ZNF276: variants seen among roughly 807,000 people sequenced by gnomAD.
ZNF276 encodes zinc finger protein 276, also known as centromere protein Z.
A neutral mutation model predicts 63.9 loss-of-function variants in ZNF276; 59 were observed. That is an observed-to-expected ratio of 0.92 (90% CI 0.75 to 1.15). ZNF276 has a LOEUF of 1.15. Ranked by LOEUF, ZNF276 falls within the 50% of genes most tolerant of loss-of-function variation. ZNF276 has a pLI of 0.00. For missense variants in ZNF276, 1,084 were observed against 843.8 expected (o/e 1.28, Z -3.53); for synonymous variants, 496 against 348.4 (o/e 1.42, Z -4.72).
chr16:89,738,577 G>A lies in ZNF276; in HGVS notation c.*331G>A. ...AATAAATTATTTACACGGGAGCTGG[G>A]CTGGTGTGCAGTGGCAGGTCCCGTC... is the stretch of plus-strand genomic sequence containing the variant. On this transcript the variant is annotated 3_prime_UTR_variant, in exon 11 of 11. Transcript: ENST00000443381. The A allele has an allele frequency of 6.2e-7, 1 of 1,613,048 alleles. No homozygotes were observed. The highest frequency in any genetic ancestry group is 8.5e-7 in the Non-Finnish European group (1 of 1,180,012).
intron 4 of ZNF276, 130 bp downstream of exon 4, chr16:89,723,839 T>C (rs2061385036): frequency 9.6e-7 from 1 of 1,038,100 alleles, no homozygotes; most frequent in Non-Finnish European, 1.4e-6. Flanking sequence ...GGAGCAGAGC[T>C]TGGGGCTTCT....
In ZNF276 at chr16:89,738,741, C is replaced by A. The variant is rs541302571; in HGVS notation, c.*495C>A. On this transcript the variant is annotated 3_prime_UTR_variant, in exon 11 of 11. Coordinates refer to ENST00000443381, the MANE Select transcript of ZNF276 (RefSeq NM_001113525.2). ...AGAGGAGCAGGTCCTCAGCCCATGCCGCCCACTAGGCCTCAGACCACAGGG... is the reference window on the plus strand; with the variant it reads ...AGAGGAGCAGGTCCTCAGCCCATGCAGCCCACTAGGCCTCAGACCACAGGG... 6.2e-7 allele frequency: 1 copy of A among 1,612,874 alleles called. No individual in the cohort carries two copies. Among genetic ancestry groups the A allele is most frequent in the South Asian group, 1.1e-5 (1 of 90,960 alleles).
chr16:89,730,481 C>T (rs1185802927), intron 6 of ZNF276, among the ~76,000 whole-genome samples: 1 of 152,150 alleles, frequency 6.6e-6, no homozygotes, highest in Non-Finnish European at 1.5e-5. Flanking sequence ...CGGATCGAGG[C>T]AGATTCAGGA....
chr16:89,723,387 C>T lies in ZNF276; in HGVS notation c.684C>T (p.Ile228=), dbSNP rs565020744. 1.2e-6 allele frequency: 2 copies of T among 1,613,068 alleles called. No homozygotes were observed. Among genetic ancestry groups the T allele is most frequent in the South Asian group, 2.2e-5 (2 of 91,086 alleles). The part of the protein sequence containing the change: ...RTLSSEYCGV[I]QVVWGCDQGH... The stretch of plus-strand genomic sequence containing the variant: ...TGTCCTCCGAGTACTGCGGCGTCAT[C>T]CAGGTCGTGTGGGGCTGCGACCAGG... Residue 228 remains isoleucine (I), a synonymous_variant, in exon 4 of 11, where the codon ATC becomes ATT. Transcript: ENST00000443381.
intron 6 of ZNF276, among the ~76,000 whole-genome samples, chr16:89,730,185 C>T (rs1260951548): frequency 1.3e-5 from 2 of 152,174 alleles, no homozygotes; most frequent in Non-Finnish European, 2.9e-5. Flanking sequence ...AAGCAGAGGG[C>T]AGGACTGAGC....
At chr16:89,724,720 T>C (rs1415460389) in intron 4 of ZNF276, among the ~76,000 whole-genome samples, 1 of 152,162 alleles carries the variant, frequency 6.6e-6, no homozygotes, top group Non-Finnish European at 1.5e-5. Flanking sequence ...CTCGGGGGCC[T>C]CAGGTAGGAA....
chr16:89,736,522 A>C (rs1362372493), intron 9 of ZNF276, among the ~76,000 whole-genome samples: 1 of 150,260 alleles, frequency 6.7e-6, no homozygotes, highest in African/African-American at 2.4e-5. Flanking sequence ...ACAGGGTTTT[A>C]CCATATTGAT....
In ZNF276 at chr16:89,738,921, T is replaced by C; in HGVS notation, c.*675T>C. On this transcript the variant is annotated 3_prime_UTR_variant, in exon 11 of 11. Coordinates refer to ENST00000443381, the MANE Select transcript of ZNF276 (RefSeq NM_001113525.2). ...AGAAGCTCTTTTTCGGGCACCGAGG[T>C]ATTAACTGCAGCAGAAAAAGACGAG... 1 of 1,614,222 alleles carries C rather than the reference T, an allele frequency of 6.2e-7. No homozygotes were observed. The highest frequency in any genetic ancestry group is 1.1e-5 in the South Asian group (1 of 91,086).
In ZNF276 at chr16:89,740,059, G is replaced by A. The variant is rs1269006545; in HGVS notation, c.*1813G>A. On this transcript the variant is annotated 3_prime_UTR_variant, in exon 11 of 11. Coordinates refer to ENST00000443381, the MANE Select transcript of ZNF276 (RefSeq NM_001113525.2). The stretch of plus-strand genomic sequence containing the variant: ...CCTCTTCTCTAAACACTCGAGGATT[G>A]CTGCACAAACGTGGAAAGCCTTTGG... 2.5e-6 allele frequency: 4 copies of A among 1,614,068 alleles called. No individual in the cohort carries two copies. Among genetic ancestry groups the A allele is most frequent in the Admixed American group, 1.7e-5 (1 of 60,004 alleles).
At position 89,721,684 on chromosome 16, in the gene ZNF276, C is replaced by G. The variant is rs1208307719; in HGVS notation, c.44C>G (p.Ser15Cys). ...RLGRFLSPGS[S>C]RQCGASDGGG... ...GGCCGCTTCCTGTCTCCTGGGTCGT[C>G]CCGACAGTGCGGGGCCTCGGACGGC... is the stretch of plus-strand genomic sequence containing the variant. Residue 15 changes from serine (S) to cysteine (C), a missense_variant, in exon 1 of 11, where the codon TCC (serine) becomes TGC (cysteine). Coordinates refer to ENST00000443381, the MANE Select transcript of ZNF276 (RefSeq NM_001113525.2). 7.2e-5 allele frequency: 103 copies of G among 1,427,514 alleles called. No homozygotes were observed. Among genetic ancestry groups the G allele is most frequent in the Admixed American group, 2.9e-5 (1 of 34,028 alleles). 88.4% of individuals were successfully genotyped at this position (1,427,514 alleles called of 1,614,324 possible). A position where few individuals can be genotyped will look rare whatever the true frequency, so the allele number is the denominator to read the frequency against.
At position 89,739,122 on chromosome 16, in the gene ZNF276, C is replaced by T; in HGVS notation, c.*876C>T. The T allele has an allele frequency of 6.2e-7, 1 of 1,614,126 alleles. No homozygotes were observed. The highest frequency in any genetic ancestry group is 8.5e-7 in the Non-Finnish European group (1 of 1,180,014). ...AGCTCCCCTGGAGGTGGGACTGGCC[C>T]TTGCACCTGCCTGACCCTTGAGCTC... On this transcript the variant is annotated 3_prime_UTR_variant, in exon 11 of 11. Coordinates refer to ENST00000443381, the MANE Select transcript of ZNF276 (RefSeq NM_001113525.2).
At chr16:89,732,815 G>T (rs2061706818) in intron 6 of ZNF276, 1 of 221,680 alleles carries the variant, frequency 4.5e-6, no homozygotes, top group South Asian at 4.2e-5. Flanking sequence ...CCTCTGCTGT[G>T]TTCACCTGAC....
intron 6 of ZNF276, among the ~76,000 whole-genome samples, chr16:89,731,212 G>A (rs1049199331): frequency 2.6e-5 from 4 of 152,246 alleles, no homozygotes; most frequent in African/African-American, 9.6e-5. Flanking sequence ...GGGACAGGGA[G>A]AGAAGGCGCA....
Position 89,723,627 on chromosome 16 carries a change from C to T in ZNF276, c.924C>T (p.Ala308=). The T allele has an allele frequency of 3.7e-6, 6 of 1,612,754 alleles. No individual in the cohort carries two copies. Among genetic ancestry groups the T allele is most frequent in the Non-Finnish European group, 5.1e-6 (6 of 1,180,022 alleles). The change falls in exon 4 of 11, where the codon GCC becomes GCT. Residue 308 remains alanine (A), a synonymous_variant. Coordinates refer to ENST00000443381, the MANE Select transcript of ZNF276 (RefSeq NM_001113525.2). ...AGACCCTGCCCAGCACGGATGTGGC[C>T]CAGCCTCCTTCGGACAGCGACGCGG... ...ETKTLPSTDV[A]QPPSDSDAVG...
intron 9 of ZNF276, 122 bp downstream of exon 9, chr16:89,734,160 G>C: frequency 1.2e-6 from 1 of 838,144 alleles, no homozygotes; most frequent in Non-Finnish European, 1.9e-6. Flanking sequence ...GGCTCATGGG[G>C]TCTTTGGTAC....
In ZNF276 at chr16:89,739,535, A is replaced by C. The variant is rs1439125894; in HGVS notation, c.*1289A>C. The stretch of plus-strand genomic sequence containing the variant: ...CTGATCCGGGGCCACACGGAGGAGG[A>C]GCCGCCCCAGCCTGAGGTCTGCAAC... On this transcript the variant is annotated 3_prime_UTR_variant, in exon 11 of 11. Transcript: ENST00000443381. 3.9e-6 allele frequency: 6 copies of C among 1,551,148 alleles called. No homozygotes were observed. Among genetic ancestry groups the C allele is most frequent in the African/African-American group, 1.4e-5 (1 of 73,040 alleles).
At chr16:89,737,469 TGAG>T (rs2061969945) in intron 9 of ZNF276, 1 of 319,972 alleles carries the variant, frequency 3.1e-6, no homozygotes, top group Non-Finnish European at 5.9e-6. Flanking sequence ...TGCAGTGAGC[TGAG>T]ATCACGCCAC....
chr16:89,721,654 G>A lies in ZNF276; in HGVS notation c.14G>A (p.Arg5Gln). 2 of 1,467,212 alleles carry A rather than the reference G, an allele frequency of 1.4e-6. No homozygotes were observed. The highest frequency in any genetic ancestry group is 1.3e-5 in the South Asian group (1 of 77,584). The allele number at this position is 1,467,212 out of a possible 1,614,324, so 90.9% of individuals were successfully genotyped here. A position where few individuals can be genotyped will look rare whatever the true frequency, so the allele number is the denominator to read the frequency against. The change falls in exon 1 of 11, where the codon CGG (arginine) becomes CAG (glutamine). Residue 5 changes from arginine (R) to glutamine (Q), a missense_variant. Physicochemically the swap from Arg to Gln is conservative, Grantham distance 43. Coordinates refer to ENST00000443381, the MANE Select transcript of ZNF276 (RefSeq NM_001113525.2). ...TCCTCCGCTGCCATGAAGCGGGACC[G>A]GCTGGGCCGCTTCCTGTCTCCTGGG... MKRD[R>Q]LGRFLSPGSS...
At position 89,740,825 on chromosome 16, in the gene ZNF276, C is replaced by G. The variant is rs11649210; in HGVS notation, c.*2579C>G. The G allele has an allele frequency of 0.095, 153,946 of 1,612,704 alleles. 8,122 individuals carry two copies. Among genetic ancestry groups the G allele is most frequent in the East Asian group, 0.17 (7,700 of 44,824 alleles). On this transcript the variant is annotated 3_prime_UTR_variant, in exon 11 of 11. Transcript: ENST00000443381. ...TTACATTTGAGGTCAGATGTGACGA[C>G]AGCAGGCCCATCAAGGAGAAGAAGA... is the stretch of plus-strand genomic sequence containing the variant.
Sources: gnomAD v4.1 joint callset for allele counts (sites outside exome capture counted in the v4.1 genomes callset) on GRCh38, gnomAD v4.1.1 for gene constraint, MANE v1.5 for transcripts, NCBI Gene and HGNC (gene_info 2026-07-23, HGNC 2026-07-21) for gene names.